Variants in NPHP3 observed in about 807,000 individuals in gnomAD.
NPHP3 encodes the protein nephrocystin 3.
Under a neutral mutation model 171.9 loss-of-function variants are expected in NPHP3, and 123 were observed. The observed-to-expected ratio is 0.72, with a 90% CI of 0.62 to 0.83. The LOEUF is 0.83. Among genes scored for constraint, NPHP3 ranks in the 40% least tolerant of loss-of-function variants. The pLI, the probability that NPHP3 is intolerant of heterozygous loss-of-function variation, is 0.00. For missense variants in NPHP3, 1,506 were observed against 1,591.9 expected, an observed-to-expected ratio of 0.95 and a Z score of 0.92; for synonymous variants, 558 against 579.2, an observed-to-expected ratio of 0.96 and a Z score of 0.52.
At chr3:132,706,999 TATTC>T (rs1222932706) in intron 7 of NPHP3, among the ~76,000 whole-genome samples, 2 of 152,324 alleles carry the variant, frequency 1.3e-5, no homozygotes, top group East Asian at 3.9e-4. Flanking sequence ...AAAATGCTTG[TATTC>T]ATATTTGATT....
intron 25 of NPHP3, among the ~76,000 whole-genome samples, chr3:132,683,086 C>A (rs1402274352): frequency 1.3e-5 from 2 of 152,144 alleles, no homozygotes; most frequent in South Asian, 2.1e-4. Flanking sequence ...ATGGCTCCCC[C>A]ACCTGATTCT....
chr3:132,701,596 A>T, intron 9 of NPHP3, 63 bp from the exon 10 acceptor site: 1 of 1,015,648 alleles, frequency 9.8e-7, no homozygotes, highest in South Asian at 1.3e-5. Flanking sequence ...CTGAAGAGTC[A>T]ACTTCTGATT....
chr3:132,718,198 T>C (rs1436070878), intron 3 of NPHP3: 22 of 349,766 alleles, frequency 6.3e-5, no homozygotes, highest in South Asian at 4.4e-4. Context: ...ATACTTACAG[T>C]TCATTACAAA....
At chr3:132,712,797 A>G (rs1452104602) in intron 6 of NPHP3, among the ~76,000 whole-genome samples, 2 of 151,902 alleles carry the variant, frequency 1.3e-5, no homozygotes, top group Non-Finnish European at 2.9e-5. Context: ...TTATATATAT[A>G]TGAATGAATG....
intron 1 of NPHP3, 61 bp downstream of exon 1, chr3:132,721,902 G>A: frequency 1.1e-5 from 18 of 1,587,878 alleles, no homozygotes; most frequent in African/African-American, 2.7e-5. Flanking sequence ...GGTTTGGAGA[G>A]GGAGCAGGAC....
intron 23 of NPHP3, 168 bp downstream of exon 23, chr3:132,686,092 T>A: frequency 1.6e-6 from 1 of 622,326 alleles, no homozygotes; most frequent in Non-Finnish European, 2.8e-6. Context: ...GTAGAGAAAA[T>A]GCCATGGTCT....
intron 15 of NPHP3, among the ~76,000 whole-genome samples, chr3:132,696,119 C>CT (rs11287660): frequency 0.13 from 19,446 of 145,526 alleles, 1,597 homozygotes; most frequent in African/African-American, 0.24. Context: ...ATGTATTAAT[C>CT]TTTTTTTTTT....
At chr3:132,717,661 A>C (rs1483866678) in intron 3 of NPHP3, among the ~76,000 whole-genome samples, 1 of 152,094 alleles carries the variant, frequency 6.6e-6, no homozygotes. Context: ...GAAACACTGT[A>C]CATTTGAGTA....
At chr3:132,690,127 CAAACAA>C (rs1287840203) in intron 19 of NPHP3, among the ~76,000 whole-genome samples, 1 of 152,058 alleles carries the variant, frequency 6.6e-6, no homozygotes, top group Non-Finnish European at 1.5e-5. Context: ...AGTAAACAAA[CAAACAA>C]AAACAAATAA....
At chr3:132,695,002 T>G (rs760537050) in intron 15 of NPHP3, 37 bp from the exon 16 acceptor site, 1 of 1,610,710 alleles carries the variant, frequency 6.2e-7, no homozygotes, top group Non-Finnish European at 8.5e-7. Flanking sequence ...TTCTTACAGA[T>G]TGCCAACATC....
At chr3:132,720,941 G>C (rs148418247) in intron 1 of NPHP3, among the ~76,000 whole-genome samples, 5 of 150,526 alleles carry the variant, frequency 3.3e-5, no homozygotes, top group Non-Finnish European at 7.4e-5. Flanking sequence ...TTTTTGATAC[G>C]GAGTCTCGCT....
chr3:132,693,975 T>C (rs1939378211), intron 16 of NPHP3: 1 of 151,990 alleles, frequency 6.6e-6, no homozygotes, highest in Admixed American at 6.6e-5. Flanking sequence ...TACATAGCAC[T>C]TAATTCTAAA....
intron 5 of NPHP3, 103 bp from the exon 6 acceptor site, chr3:132,713,389 C>A (rs1939966059): frequency 1.6e-6 from 1 of 607,276 alleles, no homozygotes. Flanking sequence ...ACAGGTTATA[C>A]TGGATATCTT....
intron 26 of NPHP3, 182 bp from the exon 27 acceptor site, chr3:132,682,272 CA>C: frequency 3.2e-6 from 2 of 626,426 alleles, no homozygotes; most frequent in South Asian, 3.9e-5. Context: ...CTACCAGTAT[CA>C]GTATTTTTGT....
intron 24 of NPHP3, 44 bp from the exon 25 acceptor site, chr3:132,683,568 A>G: frequency 6.6e-7 from 1 of 1,506,390 alleles, no homozygotes; most frequent in Non-Finnish European, 9.2e-7. Context: ...AAGGCAATAA[A>G]TACTATCTTA....
At chr3:132,682,677 A>G in intron 26 of NPHP3, 26 bp downstream of exon 26, 2 of 1,269,610 alleles carry the variant, frequency 1.6e-6, no homozygotes, top group Non-Finnish European at 2.3e-6. Flanking sequence ...AAGAGGCTGT[A>G]TAAGGAAAGT....
chr3:132,707,087 C>A (rs991627609), intron 7 of NPHP3, among the ~76,000 whole-genome samples: 2 of 152,170 alleles, frequency 1.3e-5, no homozygotes, highest in Non-Finnish European at 2.9e-5. Context: ...GTATTATTCA[C>A]ATTAACTACA....
chr3:132,683,374 A>G, intron 25 of NPHP3, 25 bp downstream of exon 25: 2 of 1,603,932 alleles, frequency 1.2e-6, no homozygotes, highest in Non-Finnish European at 1.7e-6. Context: ...ATTCACTGAT[A>G]CAACGTTAAA....
rs140110227 is a variant in NPHP3 at position 132,721,836 on chromosome 3, G to A, written c.393+127C>T. On this transcript the variant is annotated intron_variant, in intron 1 of 26. Transcript: ENST00000337331. ...TAAGGAATCATTTCAGACTCGAAGA[G>A]AATATGGCCTCTCAAATTAAAATGG... 7.0e-4 allele frequency: 790 copies of A among 1,123,884 alleles called. 3 individuals are homozygous for A. In the African/African-American group the frequency reaches 0.011, roughly 15 times the overall value. The allele number at this position is 1,123,884 out of a possible 1,614,324, so 69.6% of individuals were successfully genotyped here. A position where few individuals can be genotyped will look rare whatever the true frequency, so the allele number is the denominator to read the frequency against.
Sources: allele counts gnomAD v4.1 joint callset (sites outside exome capture counted in the v4.1 genomes callset), GRCh38; gene constraint gnomAD v4.1.1; transcripts MANE v1.5; gene names NCBI Gene and HGNC (gene_info 2026-07-23, HGNC 2026-07-21).